CNBD1: variants seen among roughly 807,000 people sequenced by gnomAD.
CNBD1 encodes cyclic nucleotide binding domain containing 1.
A neutral mutation model predicts 54.4 loss-of-function variants in CNBD1; 71 were observed. The ratio of observed to expected loss-of-function variants is 1.30; its 90% CI spans 1.08 to 1.59. The LOEUF is 1.59. Ranked by LOEUF, CNBD1 falls within the 40% of genes most tolerant of loss-of-function variation. The pLI, the probability that CNBD1 is intolerant of heterozygous loss-of-function variation, is 0.00. For synonymous variants in CNBD1, 182 were observed against 170.7 expected, an observed-to-expected ratio of 1.07 and a Z score of -0.51; for missense variants, 659 against 518.0, an observed-to-expected ratio of 1.27 and a Z score of -2.64.
intron 4 of CNBD1, among the ~76,000 whole-genome samples, chr8:87,153,753 C>A (rs1448878098): frequency 6.6e-6 from 1 of 152,164 alleles, no homozygotes; most frequent in Non-Finnish European, 1.5e-5. Flanking sequence ...GTGGCTTCTG[C>A]ACTTACATAG....
At chr8:87,256,403 A>G (rs1261874822) in intron 6 of CNBD1, among the ~76,000 whole-genome samples, 1 of 151,988 alleles carries the variant, frequency 6.6e-6, no homozygotes, top group Admixed American at 6.6e-5. Context: ...TATTTTTTAG[A>G]ATGTATGTAA....
At chr8:87,191,026 A>G (rs1031787692) in intron 4 of CNBD1, among the ~76,000 whole-genome samples, 1 of 151,482 alleles carries the variant, frequency 6.6e-6, no homozygotes, top group African/African-American at 2.4e-5. Flanking sequence ...GTTATAGTTT[A>G]TTAAGGAGAA....
intron 3 of CNBD1, among the ~76,000 whole-genome samples, chr8:86,920,773 T>C (rs1809258103): frequency 6.6e-6 from 1 of 152,186 alleles, no homozygotes; most frequent in Non-Finnish European, 1.5e-5. Flanking sequence ...GACATCCCAA[T>C]TGCTCGAATT....
intron 4 of CNBD1, among the ~76,000 whole-genome samples, chr8:87,053,733 C>G (rs1451004224): frequency 1.3e-5 from 2 of 152,166 alleles, no homozygotes; most frequent in Non-Finnish European, 2.9e-5. Flanking sequence ...GGTATGGATC[C>G]CAGGTCTCCC....
At chr8:87,258,396 A>T (rs1433657950) in intron 6 of CNBD1, among the ~76,000 whole-genome samples, 1 of 151,406 alleles carries the variant, frequency 6.6e-6, no homozygotes. Context: ...TGTATTTAAA[A>T]GGCAAACAAA....
chr8:86,994,723 G>A (rs1295540095), intron 4 of CNBD1, among the ~76,000 whole-genome samples: 2 of 151,762 alleles, frequency 1.3e-5, no homozygotes, highest in South Asian at 2.1e-4. Context: ...TTTCTCTTCA[G>A]CCTCAATGTG....
chr8:86,867,617 G>A (rs541454855), intron 1 of CNBD1, among the ~76,000 whole-genome samples: 1 of 152,222 alleles, frequency 6.6e-6, no homozygotes, highest in African/African-American at 2.4e-5. Context: ...AAATAATCTT[G>A]CATCTGGTCA....
chr8:87,331,052 A>G (rs1480166400), intron 8 of CNBD1, among the ~76,000 whole-genome samples: 2 of 151,886 alleles, frequency 1.3e-5, no homozygotes, highest in African/African-American at 2.4e-5. Context: ...TTCTTTTTTT[A>G]TTCTTTATTT....
At chr8:87,300,168 T>C (rs1043411856) in intron 8 of CNBD1, among the ~76,000 whole-genome samples, 3 of 152,158 alleles carry the variant, frequency 2.0e-5, no homozygotes, top group Non-Finnish European at 2.9e-5. Flanking sequence ...CTCAATATTA[T>C]AGTTTTATGA....
intron 4 of CNBD1, among the ~76,000 whole-genome samples, chr8:87,202,558 T>C (rs1308174962): frequency 6.6e-6 from 1 of 152,130 alleles, no homozygotes; most frequent in African/African-American, 2.4e-5. Flanking sequence ...TCATGTTACA[T>C]CCACCTGCCC....
At position 87,077,375 on chromosome 8, in the gene CNBD1, C is replaced by T. The variant is rs559991479; in HGVS notation, c.432-128618C>T. Among the ~76,000 whole-genome samples, 21 of 150,570 alleles carry T rather than the reference C, an allele frequency of 1.4e-4. 1 individual carries two copies. The highest frequency in any genetic ancestry group is 3.4e-4 in the African/African-American group (14 of 40,974). The stretch of plus-strand genomic sequence containing the variant: ...GCTGTGGCCTCACATGGCAGAAAGA[C>T]GGCTAACTAGCTCTTAGGCCTCTTC... On this transcript the variant is annotated intron_variant, in intron 4 of 10. Transcript: ENST00000518476.
chr8:87,311,143 C>T (rs1391891571), intron 8 of CNBD1, among the ~76,000 whole-genome samples: 1 of 152,042 alleles, frequency 6.6e-6, no homozygotes, highest in African/African-American at 2.4e-5. Flanking sequence ...ACAAAAGAAA[C>T]TATCAACAGA....
intron 3 of CNBD1, among the ~76,000 whole-genome samples, chr8:86,937,359 G>A (rs894215688): frequency 2.6e-5 from 4 of 152,146 alleles, no homozygotes; most frequent in South Asian, 2.1e-4. Context: ...TGGGGACACA[G>A]CTAAACCATA....
In CNBD1 at chr8:87,202,208, T is replaced by TG. The variant is rs1813878031; in HGVS notation, c.432-3784dup. 3.3e-5 allele frequency among the ~76,000 whole-genome samples: 5 copies of TG among 150,132 alleles called. No homozygotes were observed. In the Admixed American group the frequency reaches 3.3e-4, roughly 10 times the overall value. ...CATCAGATAACATCAGTTTAAAATA[T>TG]GTTAACACAGTAACTGACTGAATTC... is the stretch of plus-strand genomic sequence containing the variant. On this transcript the variant is annotated intron_variant, in intron 4 of 10. Transcript: ENST00000518476.
chr8:87,338,451 G>A (rs931723349), intron 8 of CNBD1, among the ~76,000 whole-genome samples: 2 of 151,836 alleles, frequency 1.3e-5, no homozygotes, highest in African/African-American at 4.8e-5. Flanking sequence ...AGAATTCAAG[G>A]TTGGTGATTT....
intron 2 of CNBD1, among the ~76,000 whole-genome samples, chr8:86,899,734 A>G (rs1283331630): frequency 2.0e-5 from 3 of 152,128 alleles, no homozygotes; most frequent in Non-Finnish European, 4.4e-5. Context: ...AGATTTGCTT[A>G]TTAACATGTA....
intron 6 of CNBD1, among the ~76,000 whole-genome samples, chr8:87,276,008 A>G (rs1205209887): frequency 6.6e-6 from 1 of 151,992 alleles, no homozygotes; most frequent in Non-Finnish European, 1.5e-5. Flanking sequence ...AATCCACCTT[A>G]CAAGGGACCT....
intron 6 of CNBD1, 44 bp downstream of exon 6, chr8:87,237,156 G>C (rs151276481): frequency 7.7e-7 from 1 of 1,293,688 alleles, no homozygotes; most frequent in Non-Finnish European, 1.1e-6. Flanking sequence ...ACAAGGTAAC[G>C]GGCTTTTGTA....
rs565486841 is a variant in CNBD1 at position 86,911,214 on chromosome 8, C to G, written c.272+6020C>G. ...TTCACCCATGCAAGCTTTTAGCTTGCTTATCTATGTTTGCAGCTGGATTAC... is the reference window on the plus strand; with the variant it reads ...TTCACCCATGCAAGCTTTTAGCTTGGTTATCTATGTTTGCAGCTGGATTAC... On this transcript the variant is annotated intron_variant, in intron 3 of 10. Coordinates refer to ENST00000518476, the MANE Select transcript of CNBD1 (RefSeq NM_173538.3). Among the ~76,000 whole-genome samples the G allele has an allele frequency of 4.3e-4, 65 of 152,266 alleles. 1 individual carries two copies. Among genetic ancestry groups the G allele is most frequent in the Middle Eastern group, 3.4e-3 (1 of 294 alleles).
Sources: gnomAD v4.1 joint callset for allele counts (sites outside exome capture counted in the v4.1 genomes callset) on GRCh38, gnomAD v4.1.1 for gene constraint, MANE v1.5 for transcripts, NCBI Gene and HGNC (gene_info 2026-07-23, HGNC 2026-07-21) for gene names.